Variants in RPS6KA2 observed in about 807,000 individuals in gnomAD.
RPS6KA2 encodes the protein ribosomal protein S6 kinase A2.
A neutral mutation model predicts 91.8 loss-of-function variants in RPS6KA2; 42 were observed. That is an observed-to-expected ratio of 0.46 (90% CI 0.36 to 0.59). The LOEUF (loss-of-function observed/expected upper bound fraction) is 0.59. Ranked by LOEUF, RPS6KA2 falls within the 20% of genes least tolerant of loss-of-function variation. The pLI, the probability that RPS6KA2 is intolerant of heterozygous loss-of-function variation, is 0.00. For synonymous variants in RPS6KA2, 414 were observed against 393.6 expected (o/e 1.05, Z -0.61); for missense variants, 798 against 978.5 (o/e 0.82, Z 2.46).
At position 166,763,637 on chromosome 6, in the gene RPS6KA2, C is replaced by G. The variant is rs16899408; in HGVS notation, c.123+94563G>C. Among the ~76,000 whole-genome samples the G allele has an allele frequency of 9.9e-3, 1,510 of 152,206 alleles. 17 individuals are homozygous for G. The highest frequency in any genetic ancestry group is 0.034 in the African/African-American group (1,427 of 41,508). On this transcript the variant is annotated intron_variant, in intron 2 of 21. Transcript: ENST00000503859. ...TCCTTGGGGGAACAACCTTGGAAAC[C>G]AAAAGTTAATTAAGAAAGAGCTGTC...
chr6:166,419,824 G>T lies in RPS6KA2; in HGVS notation c.1820+58C>A. On this transcript the variant is annotated intron_variant, in intron 18 of 20. Transcript: ENST00000265678. The surrounding 1 kb of genome is among the most constrained non-coding windows in gnomAD (Gnocchi z 5.6). ...CTGGCCCTGGTCCCCTGACAGATCAGCCACTGAGGCTGCTGCCCTGTGTCT... is the reference window on the plus strand; with the variant it reads ...CTGGCCCTGGTCCCCTGACAGATCATCCACTGAGGCTGCTGCCCTGTGTCT... The T allele has an allele frequency of 1.3e-6, 2 of 1,493,542 alleles. No individual in the cohort carries two copies. The highest frequency in any genetic ancestry group is 1.9e-6 in the Non-Finnish European group (2 of 1,071,498). 92.5% of individuals were successfully genotyped at this position (1,493,542 alleles called of 1,614,324 possible).
intron 14 of RPS6KA2, among the ~76,000 whole-genome samples, chr6:166,446,417 C>G (rs1192875605): frequency 6.6e-6 from 1 of 152,218 alleles, no homozygotes; most frequent in Non-Finnish European, 1.5e-5. Flanking sequence ...AGGGAAATCC[C>G]TGCCATGTCT....
At chr6:166,564,472 GA>G (rs967413704) in intron 1 of RPS6KA2, among the ~76,000 whole-genome samples, 5 of 152,180 alleles carry the variant, frequency 3.3e-5, no homozygotes, top group Non-Finnish European at 7.3e-5. Flanking sequence ...AAATTACCCT[GA>G]AGACATTCCC....
At chr6:166,781,760 C>T (rs544524852) in intron 2 of RPS6KA2, among the ~76,000 whole-genome samples, 1 of 152,238 alleles carries the variant, frequency 6.6e-6, no homozygotes, top group South Asian at 2.1e-4. Flanking sequence ...GCACCAGGAG[C>T]CAGGAGCCAG....
chr6:166,710,506 GT>G lies in RPS6KA2; in HGVS notation c.123+147693del, dbSNP rs756264006. On this transcript the variant is annotated intron_variant, in intron 2 of 21. Transcript: ENST00000503859. Reference sequence around the variant, plus strand: ...TGTGAGTGTGTGTGTGTGTGTGTGTGTGTGGTGTGTGTGTGTTATGTGTGGT... The same window carrying G: ...TGTGAGTGTGTGTGTGTGTGTGTGTGGTGGTGTGTGTGTGTTATGTGTGGT... Among the ~76,000 whole-genome samples the G allele has an allele frequency of 7.2e-3, 1,024 of 142,540 alleles. 5 individuals are homozygous for G. The highest frequency in any genetic ancestry group is 8.5e-3 in the Non-Finnish European group (538 of 63,504). The allele number at this position is 142,540 out of a possible 152,430, so 93.5% of individuals were successfully genotyped here. A position where few individuals can be genotyped will look rare whatever the true frequency, so the allele number is the denominator to read the frequency against.
chr6:166,781,609 G>T (rs550868144), intron 2 of RPS6KA2, among the ~76,000 whole-genome samples: 2 of 152,184 alleles, frequency 1.3e-5, no homozygotes, highest in Admixed American at 1.3e-4. Context: ...CTCATGTCCC[G>T]TATGCACTCA....
chr6:166,600,615 G>C (rs1470657052), intron 1 of RPS6KA2, among the ~76,000 whole-genome samples: 2 of 152,202 alleles, frequency 1.3e-5, no homozygotes, highest in Non-Finnish European at 2.9e-5. Context: ...AAGAACCTAC[G>C]AGAGTCTAAA....
chr6:166,808,722 A>G (rs1202242538), intron 2 of RPS6KA2, among the ~76,000 whole-genome samples: 1 of 152,256 alleles, frequency 6.6e-6, no homozygotes, highest in Non-Finnish European at 1.5e-5. Flanking sequence ...ATAAAAACAT[A>G]GACTGTGTTC....
intron 1 of RPS6KA2, among the ~76,000 whole-genome samples, chr6:166,596,604 G>A (rs1412507961): frequency 6.6e-6 from 1 of 152,158 alleles, no homozygotes; most frequent in Non-Finnish European, 1.5e-5. Context: ...CAGACTGAAG[G>A]CTGCACTGTA....
intron 14 of RPS6KA2, among the ~76,000 whole-genome samples, chr6:166,440,886 C>T (rs1036144196): frequency 3.3e-5 from 5 of 152,140 alleles, no homozygotes; most frequent in African/African-American, 4.8e-5. Context: ...TTGGGGAAAA[C>T]GGGCAAAGGG....
rs1280221367 is a variant in RPS6KA2, at chr6:166,495,482, G to A, written c.747+3026C>T. Among the ~76,000 whole-genome samples, 4 of 152,154 alleles carry A rather than the reference G, an allele frequency of 2.6e-5. No individual in the cohort carries two copies. The highest frequency in any genetic ancestry group is 7.2e-5 in the African/African-American group (3 of 41,430). On this transcript the variant is annotated intron_variant, in intron 8 of 20. Coordinates refer to ENST00000265678, the MANE Select transcript of RPS6KA2 (RefSeq NM_021135.6). This position sits in a 1 kb window ranked among gnomAD's most constrained non-coding sequence, Gnocchi z 4.4. ...GCAGCGCTGGGCCAGGCCTCCTTCA[G>A]AAGCTCTCAATATCATCTTCTTCAC...
chr6:166,498,899 C>T (rs1025190910), intron 7 of RPS6KA2, among the ~76,000 whole-genome samples: 36 of 152,188 alleles, frequency 2.4e-4, no homozygotes, highest in African/African-American at 7.2e-4. Context: ...CACTCAGGAG[C>T]GCCTTGGAAC....
intron 3 of RPS6KA2, among the ~76,000 whole-genome samples, chr6:166,520,910 C>T (rs1782832649): frequency 2.0e-5 from 3 of 152,232 alleles, no homozygotes; most frequent in Admixed American, 2.0e-4. Context: ...GGGCTGCCCA[C>T]CCATGTCAGG....
At chr6:166,719,905 T>C (rs573946472) in intron 2 of RPS6KA2, among the ~76,000 whole-genome samples, 1 of 152,350 alleles carries the variant, frequency 6.6e-6, no homozygotes, top group Admixed American at 6.5e-5. Flanking sequence ...GTGCCAACTT[T>C]CAACCACAGT....
In RPS6KA2 at chr6:166,665,063, A is replaced by G. The variant is rs758260906; in HGVS notation, c.124-126279T>C. 6.6e-6 allele frequency among the ~76,000 whole-genome samples: 1 copy of G among 152,198 alleles called. No individual in the cohort carries two copies. Among genetic ancestry groups the G allele is most frequent in the Non-Finnish European group, 1.5e-5 (1 of 68,020 alleles). On this transcript the variant is annotated intron_variant, in intron 2 of 21. Transcript: ENST00000503859. The surrounding 1 kb of genome is among the most constrained non-coding windows in gnomAD (Gnocchi z 4.5). Reference sequence around the variant, plus strand: ...AGTTGGAGACCAACCTGGGCAAAATAGTGAGACCCCATCTCTACAAAAAAT... The same window carrying G: ...AGTTGGAGACCAACCTGGGCAAAATGGTGAGACCCCATCTCTACAAAAAAT...
intron 1 of RPS6KA2, among the ~76,000 whole-genome samples, chr6:166,595,040 G>A (rs1395605303): frequency 1.4e-5 from 2 of 147,954 alleles, no homozygotes; most frequent in African/African-American, 5.0e-5. Context: ...CAAAGAAGTT[G>A]AAATGAATAA....
intron 2 of RPS6KA2, among the ~76,000 whole-genome samples, chr6:166,694,480 G>A (rs550029758): frequency 2.4e-3 from 364 of 152,264 alleles, no homozygotes; most frequent in African/African-American, 8.0e-3. Flanking sequence ...TTCTAGTAAC[G>A]TCCAGGATAA....
chr6:166,808,918 G>C (rs1174981699), intron 2 of RPS6KA2, among the ~76,000 whole-genome samples: 1 of 152,190 alleles, frequency 6.6e-6, no homozygotes. Context: ...CTAATTAACT[G>C]TGAAAAAACA....
At position 166,423,277 on chromosome 6, in the gene RPS6KA2, C is replaced by T. The variant is rs141673447; in HGVS notation, c.1722G>A (p.Thr574=). 7.6e-5 allele frequency: 122 copies of T among 1,612,340 alleles called. No individual in the cohort carries two copies. The African/African-American group carries it at 9.2e-4, about 12-fold the overall frequency. ...TCACCTCCGGGGCCACGAAATTGGC[C>T]GTGTAGCAGGGTGTCATGAGCAGCC... ...GNGLLMTPCY[T]ANFVAPEVLK... The change falls in exon 17 of 21, where the codon ACG becomes ACA. Residue 574 remains threonine, a synonymous_variant. Transcript: ENST00000265678. This position sits in a 1 kb window ranked among gnomAD's most constrained non-coding sequence, Gnocchi z 4.8.
Sources: allele counts gnomAD v4.1 joint callset (sites outside exome capture counted in the v4.1 genomes callset), GRCh38; gene constraint gnomAD v4.1.1; non-coding constraint Gnocchi (gnomAD v3.1); transcripts MANE v1.5; gene names NCBI Gene and HGNC (gene_info 2026-07-23, HGNC 2026-07-21).